The following HDAC9 variants were observed in gnomAD, a reference collection of about 807,000 sequenced individuals.
HDAC9 encodes the protein histone deacetylase 9.
In HDAC9, 41 loss-of-function variants were observed where a neutral mutation model predicts 139.4. The observed-to-expected ratio is 0.29, with a 90% confidence interval of 0.23 to 0.38. HDAC9 has a LOEUF of 0.38. Among genes scored for constraint, HDAC9 ranks in the 10% least tolerant of loss-of-function variants. The probability of loss-of-function intolerance (pLI) is 1.00; values close to 1 mark genes in which losing one functional copy is unlikely to be tolerated. For synonymous variants in HDAC9, 517 were observed against 476.2 expected (o/e 1.09, Z -1.12); for missense variants, 1,147 against 1,297.0 (o/e 0.88, Z 1.78).
chr7:18,934,068 T>C (rs1781450241), intron 22 of HDAC9, among the ~76,000 whole-genome samples: 1 of 151,988 alleles, frequency 6.6e-6, no homozygotes, highest in African/African-American at 2.4e-5. Context: ...TTCAAAATAA[T>C]GTAATAGAGT....
chr7:18,973,528 C>T (rs1784376236), intron 24 of HDAC9, among the ~76,000 whole-genome samples: 1 of 152,050 alleles, frequency 6.6e-6, no homozygotes, highest in Admixed American at 6.5e-5. Context: ...GTCTTGTTGA[C>T]ATGGAAAGTG....
At chr7:18,174,576 A>G (rs767859891) in intron 2 of HDAC9, among the ~76,000 whole-genome samples, 11 of 152,100 alleles carry the variant, frequency 7.2e-5, no homozygotes, top group Non-Finnish European at 1.3e-4. Context: ...GTTTCTCCCT[A>G]TCTTTGTGGT....
intron 16 of HDAC9, among the ~76,000 whole-genome samples, chr7:18,775,519 G>A (rs1790686837): frequency 6.6e-6 from 1 of 151,944 alleles, no homozygotes; most frequent in Non-Finnish European, 1.5e-5. Flanking sequence ...TACAAGTAGC[G>A]AAATTCTTTG....
chr7:18,917,863 C>T (rs1803349371), intron 22 of HDAC9, among the ~76,000 whole-genome samples: 1 of 151,932 alleles, frequency 6.6e-6, no homozygotes, highest in South Asian at 2.1e-4. Context: ...AATGGAAAGC[C>T]TATTCAGTGC....
At chr7:18,106,956 T>C (rs1332908228) in intron 1 of HDAC9, among the ~76,000 whole-genome samples, 1 of 152,226 alleles carries the variant, frequency 6.6e-6, no homozygotes, top group Non-Finnish European at 1.5e-5. Flanking sequence ...ATAAATTAAC[T>C]TTGATGAGCT....
intron 6 of HDAC9, among the ~76,000 whole-genome samples, chr7:18,601,776 A>C (rs1834016104): frequency 6.6e-6 from 1 of 152,174 alleles, no homozygotes; most frequent in South Asian, 2.1e-4. Context: ...TACATTAGCC[A>C]ATTTTCAAAT....
chr7:18,451,672 T>C (rs1792881625), intron 1 of HDAC9, among the ~76,000 whole-genome samples: 1 of 151,982 alleles, frequency 6.6e-6, no homozygotes, highest in South Asian at 2.1e-4. Context: ...TTGTATCCAC[T>C]GATCTATGTG....
chr7:18,973,535 A>G (rs1470776237), intron 24 of HDAC9, among the ~76,000 whole-genome samples: 1 of 152,282 alleles, frequency 6.6e-6, no homozygotes, highest in East Asian at 1.9e-4. Flanking sequence ...TGACATGGAA[A>G]GTGGGTGGTG....
intron 1 of HDAC9, among the ~76,000 whole-genome samples, chr7:18,473,757 A>G (rs1794905142): frequency 6.6e-6 from 1 of 152,238 alleles, no homozygotes; most frequent in Admixed American, 6.5e-5. Flanking sequence ...GAGCCTTGTT[A>G]TGTTTTCCGT....
At chr7:18,400,711 A>C (rs1232771582) in intron 1 of HDAC9, among the ~76,000 whole-genome samples, 1 of 152,194 alleles carries the variant, frequency 6.6e-6, no homozygotes, top group Non-Finnish European at 1.5e-5. Flanking sequence ...AAGATGAATT[A>C]GGACTCTACT....
intron 1 of HDAC9, among the ~76,000 whole-genome samples, chr7:18,123,097 T>G (rs368395191): frequency 7.5e-4 from 115 of 152,342 alleles, no homozygotes; most frequent in Non-Finnish European, 1.2e-3. Flanking sequence ...CAATACCTAT[T>G]TAATTTGTAA....
At chr7:18,763,235 T>A (rs1052043149) in intron 15 of HDAC9, among the ~76,000 whole-genome samples, 1 of 152,230 alleles carries the variant, frequency 6.6e-6, no homozygotes, top group African/African-American at 2.4e-5. Context: ...TAGGTAGGTA[T>A]CTTGGAAAGC....
At chr7:18,552,566 A>G (rs1817499953) in intron 2 of HDAC9, among the ~76,000 whole-genome samples, 1 of 152,184 alleles carries the variant, frequency 6.6e-6, no homozygotes, top group South Asian at 2.1e-4. Flanking sequence ...TCAGGGAAGG[A>G]AAAATAATGA....
chr7:18,522,594 T>TA (rs894495005), intron 2 of HDAC9, among the ~76,000 whole-genome samples: 52 of 146,412 alleles, frequency 3.6e-4, no homozygotes, highest in Admixed American at 6.8e-4. Context: ...GTGGTTTTTT[T>TA]AAAAAAAACA....
chr7:18,981,810 C>A (rs949547090), intron 25 of HDAC9, among the ~76,000 whole-genome samples: 5 of 152,148 alleles, frequency 3.3e-5, no homozygotes, highest in African/African-American at 1.2e-4. Flanking sequence ...TGTAAGGTAA[C>A]ATATTCACAC....
intron 11 of HDAC9, among the ~76,000 whole-genome samples, chr7:18,664,014 G>A (rs375433099): frequency 9.2e-5 from 14 of 152,174 alleles, no homozygotes; most frequent in Admixed American, 2.0e-4. Context: ...TATCTTGCTC[G>A]TTTCTATGCT....
intron 25 of HDAC9, 119 bp from the exon 26 acceptor site, chr7:18,995,904 C>A: frequency 1.5e-6 from 1 of 668,248 alleles, no homozygotes; most frequent in Non-Finnish European, 2.5e-6. Context: ...TTATGGATAA[C>A]TGAATAACAC....
chr7:18,852,825 G>C (rs1797399310), intron 21 of HDAC9, among the ~76,000 whole-genome samples: 2 of 151,894 alleles, frequency 1.3e-5, no homozygotes, highest in Non-Finnish European at 2.9e-5. Flanking sequence ...GGCACATGCT[G>C]AGGAGATCAA....
chr7:18,739,347 G>T (rs1787227591), intron 13 of HDAC9, among the ~76,000 whole-genome samples: 1 of 152,170 alleles, frequency 6.6e-6, no homozygotes, highest in Non-Finnish European at 1.5e-5. Flanking sequence ...AGGCACTCAG[G>T]CTTTTAGAAT....
Sources: gnomAD v4.1 joint callset for allele counts (sites outside exome capture counted in the v4.1 genomes callset) on GRCh38, gnomAD v4.1.1 for gene constraint, MANE v1.5 for transcripts, NCBI Gene and HGNC (gene_info 2026-07-23, HGNC 2026-07-21) for gene names.